The following URB1 variants were observed in gnomAD, a reference collection of about 807,000 sequenced individuals.
The protein encoded by URB1 is nucleolar pre-ribosomal-associated protein 1.
Under a neutral mutation model 242.3 loss-of-function variants are expected in URB1, and 197 were observed. That is an observed-to-expected ratio of 0.81 (90% CI 0.72 to 0.91). The LOEUF is 0.91. Ranked by LOEUF, URB1 falls within the 40% of genes least tolerant of loss-of-function variation. The probability of loss-of-function intolerance (pLI) is 0.00; values close to 1 mark genes in which losing one functional copy is unlikely to be tolerated. For missense variants in URB1, 2,721 were observed against 2,860.5 expected, an observed-to-expected ratio of 0.95 and a Z score of 1.11; for synonymous variants, 1,153 against 1,201.8, an observed-to-expected ratio of 0.96 and a Z score of 0.84.
At chr21:32,367,861 C>T (rs1166357558) in intron 9 of URB1, among the ~76,000 whole-genome samples, 1 of 152,196 alleles carries the variant, frequency 6.6e-6, no homozygotes. Flanking sequence ...TAAGCAAAAT[C>T]TTGATGAACA....
At chr21:32,351,272 C>T (rs1333122667) in intron 19 of URB1, among the ~76,000 whole-genome samples, 1 of 152,232 alleles carries the variant, frequency 6.6e-6, no homozygotes, top group South Asian at 2.1e-4. Flanking sequence ...GGAAATCAGC[C>T]CACAGAGAAG....
rs1348567074 is a variant in URB1 at position 32,352,737 on chromosome 21, CCA to C, written c.2584_2585del (p.Trp862AspfsTer107). ...AGGCCTCTCGGGCTTGCTCCGGGAT[CCA>C]GAGGCTGTAGTATCTGTTAAACCGT... Reference protein sequence around the residue: ...LSRFNRYYSLWIPEQAREAWL... With the variant: ...LSRFNRYYSLXIPEQAREAWL... On this transcript the variant is annotated frameshift_variant, in exon 19 of 39. Coordinates refer to ENST00000382751, the MANE Select transcript of URB1 (RefSeq NM_014825.3). LOFTEE classifies it high-confidence loss of function. The C allele has an allele frequency of 6.4e-7, 1 of 1,551,424 alleles. No homozygotes were observed. The highest frequency in any genetic ancestry group is 1.4e-5 in the African/African-American group (1 of 73,024).
intron 28 of URB1, among the ~76,000 whole-genome samples, chr21:32,336,221 T>C (rs1209131048): frequency 2.6e-5 from 4 of 152,134 alleles, no homozygotes; most frequent in African/African-American, 9.6e-5. Context: ...TTTTTCTTTC[T>C]TTTTTTTGTG....
chr21:32,318,690 T>A (rs528223758), intron 36 of URB1, among the ~76,000 whole-genome samples: 2 of 152,172 alleles, frequency 1.3e-5, no homozygotes, highest in African/African-American at 4.8e-5. Flanking sequence ...ATGGTAGAAT[T>A]GGAGGGAAAT....
chr21:32,335,911 C>T (rs2032953675), intron 28 of URB1, among the ~76,000 whole-genome samples: 1 of 152,242 alleles, frequency 6.6e-6, no homozygotes, highest in African/African-American at 2.4e-5. Flanking sequence ...ACTAGACTCC[C>T]TTCACAGCCA....
chr21:32,324,654 T>A (rs2032807480), intron 31 of URB1, 52 bp from the exon 32 acceptor site: 1 of 1,381,962 alleles, frequency 7.2e-7, no homozygotes, highest in African/African-American at 1.4e-5. Flanking sequence ...TTCAGAGCTA[T>A]GGTCAGTCCT....
intron 14 of URB1, among the ~76,000 whole-genome samples, chr21:32,359,257 C>T (rs2033258283): frequency 6.6e-6 from 1 of 152,172 alleles, no homozygotes; most frequent in Non-Finnish European, 1.5e-5. Flanking sequence ...GCATCCTGGG[C>T]TTAAGCCCAG....
At chr21:32,347,835 G>A (rs1439371417) in intron 21 of URB1, 24 bp from the exon 22 acceptor site, 1 of 1,526,628 alleles carries the variant, frequency 6.6e-7, no homozygotes, top group Non-Finnish European at 8.8e-7. Flanking sequence ...ACGAGGCACA[G>A]ACGTCACATA....
At chr21:32,327,043 G>A (rs926055545) in intron 30 of URB1, among the ~76,000 whole-genome samples, 2 of 151,620 alleles carry the variant, frequency 1.3e-5, no homozygotes, top group African/African-American at 2.4e-5. Context: ...AGAAATAATG[G>A]CCAAAACTTT....
At chr21:32,387,600 CA>C (rs764839350) in intron 1 of URB1, among the ~76,000 whole-genome samples, 157 of 124,742 alleles carry the variant, frequency 1.3e-3, no homozygotes, top group African/African-American at 3.7e-3. Flanking sequence ...TCACCTTATT[CA>C]AAAAAAAAAA....
chr21:32,376,188 T>C (rs1206681855), intron 5 of URB1, among the ~76,000 whole-genome samples: 1 of 152,184 alleles, frequency 6.6e-6, no homozygotes, highest in Non-Finnish European at 1.5e-5. Flanking sequence ...TTTAAAGAGA[T>C]GGTCATGATT....
chr21:32,369,214 T>G (rs2033380659), intron 8 of URB1, among the ~76,000 whole-genome samples: 1 of 152,018 alleles, frequency 6.6e-6, no homozygotes. Context: ...CACAAAAAAA[T>G]TAGCCAGGCA....
chr21:32,321,341 C>T (rs1172953507), intron 34 of URB1, among the ~76,000 whole-genome samples: 1 of 152,168 alleles, frequency 6.6e-6, no homozygotes, highest in East Asian at 1.9e-4. Context: ...TCTGTTTCAA[C>T]CTGACCCTTG....
intron 1 of URB1, among the ~76,000 whole-genome samples, chr21:32,388,839 T>A (rs1458893108): frequency 6.6e-6 from 1 of 152,244 alleles, no homozygotes. Context: ...TGGCCTGTTA[T>A]GTTTGCCGTC....
rs971189800 is a variant in URB1, at chr21:32,312,958, T to C, written c.*1960A>G. On this transcript the variant is annotated 3_prime_UTR_variant, in exon 39 of 39. Coordinates refer to ENST00000382751, the MANE Select transcript of URB1 (RefSeq NM_014825.3). ...ATTCCCTTCCTCCACACTAAGTGAC[T>C]GGAAAATACACGAACAAGGTCAGGG... 32 of 152,180 alleles carry C rather than the reference T, an allele frequency of 2.1e-4. No individual in the cohort carries two copies. The highest frequency in any genetic ancestry group is 7.5e-4 in the African/African-American group (31 of 41,434). 9.4% of individuals were successfully genotyped at this position (152,180 alleles called of 1,614,324 possible). A position where few individuals can be genotyped will look rare whatever the true frequency, so the allele number is the denominator to read the frequency against.
intron 8 of URB1, among the ~76,000 whole-genome samples, chr21:32,369,970 C>A: frequency 1.9e-5 from 2 of 102,814 alleles, no homozygotes; most frequent in African/African-American, 7.1e-5. Flanking sequence ...AGCGAGTCTC[C>A]ATCTCAAAAA....
intron 17 of URB1, among the ~76,000 whole-genome samples, chr21:32,354,576 CTT>C (rs1191658588): frequency 6.6e-6 from 1 of 152,178 alleles, no homozygotes; most frequent in African/African-American, 2.4e-5. Flanking sequence ...TAATAATACT[CTT>C]TTCTCTTGGG....
intron 8 of URB1, among the ~76,000 whole-genome samples, chr21:32,369,992 AAAAAGT>A (rs1482671480): frequency 2.0e-5 from 3 of 151,902 alleles, no homozygotes; most frequent in Non-Finnish European, 2.9e-5. Flanking sequence ...AAAAAAAAAA[AAAAAGT>A]AAGAAGCAGG....
chr21:32,370,932 A>T (rs2033399819), intron 8 of URB1, among the ~76,000 whole-genome samples: 1 of 152,200 alleles, frequency 6.6e-6, no homozygotes, highest in Non-Finnish European at 1.5e-5. Flanking sequence ...TGTCCTAGGG[A>T]CTGGAGGCCC....
Sources: gnomAD v4.1 joint callset for allele counts (sites outside exome capture counted in the v4.1 genomes callset) on GRCh38, gnomAD v4.1.1 for gene constraint, MANE v1.5 for transcripts, NCBI Gene and HGNC (gene_info 2026-07-23, HGNC 2026-07-21) for gene names.